The following DRC8 variants were observed in gnomAD, a reference collection of about 807,000 sequenced individuals.
The protein encoded by DRC8 is dynein regulatory complex protein 8.
At chr1:245,000,105 CA>C in the DRC8 span, among the ~76,000 whole-genome samples, 1 of 152,228 alleles carries the variant, frequency 6.6e-6, no homozygotes, top group African/African-American at 2.4e-5. Context: ...AGGCGTGAGC[CA>C]CCACACCCGG....
chr1:245,074,131 G>A, the DRC8 span, among the ~76,000 whole-genome samples: 1 of 152,180 alleles, frequency 6.6e-6, no homozygotes, highest in African/African-American at 2.4e-5. Context: ...TCCTTTAGGG[G>A]ATTTTCTTAT....
the DRC8 span, among the ~76,000 whole-genome samples, chr1:244,974,725 ACCTCTGTT>A: frequency 1.3e-5 from 2 of 151,884 alleles, no homozygotes; most frequent in East Asian, 1.9e-4. Flanking sequence ...TGGTGGTGCA[ACCTCTGTT>A]GCCTAAGCTG....
At chr1:245,009,956 G>T in the DRC8 span, among the ~76,000 whole-genome samples, 1 of 152,074 alleles carries the variant, frequency 6.6e-6, no homozygotes, top group South Asian at 2.1e-4. Flanking sequence ...TGCCTCCCAG[G>T]TTCAAGTGAT....
the DRC8 span, among the ~76,000 whole-genome samples, chr1:244,971,756 C>G: frequency 1.3e-5 from 2 of 152,054 alleles, no homozygotes; most frequent in Non-Finnish European, 2.9e-5. Flanking sequence ...CCGGTGATCA[C>G]AGAAAATCGG....
At chr1:244,970,549 A>G in the DRC8 span, 2 of 1,415,778 alleles carry the variant, frequency 1.4e-6, no homozygotes, top group African/African-American at 1.6e-5. Flanking sequence ...TGGAGTTCCC[A>G]CCCGCAGGGA....
the DRC8 span, among the ~76,000 whole-genome samples, chr1:244,992,117 A>G: frequency 2.0e-5 from 3 of 152,330 alleles, no homozygotes; most frequent in African/African-American, 7.2e-5. Context: ...TAGGCTTGAT[A>G]ATTTTTTCAA....
At chr1:245,038,134 A>G in the DRC8 span, among the ~76,000 whole-genome samples, 1 of 152,228 alleles carries the variant, frequency 6.6e-6, no homozygotes, top group Non-Finnish European at 1.5e-5. Context: ...TTTAATTTTC[A>G]TATGAGAAAT....
the DRC8 span, among the ~76,000 whole-genome samples, chr1:245,003,599 G>GT: frequency 3.3e-5 from 5 of 151,886 alleles, no homozygotes; most frequent in South Asian, 4.2e-4. Context: ...TCATTTGGAG[G>GT]TTTTTTTTGA....
chr1:245,118,492 T>C, the DRC8 span, among the ~76,000 whole-genome samples: 1 of 152,082 alleles, frequency 6.6e-6, no homozygotes, highest in Non-Finnish European at 1.5e-5. Flanking sequence ...TACTACGTGC[T>C]GTAAAACAAT....
chr1:245,104,795 T>C, the DRC8 span, among the ~76,000 whole-genome samples: 1 of 152,208 alleles, frequency 6.6e-6, no homozygotes, highest in Non-Finnish European at 1.5e-5. Context: ...AAGCTAACAA[T>C]AATTCTGTAA....
At chr1:244,970,467 CGCTGCCCTCGCCGCCCGCCGCGACCCCGG>C in the DRC8 span, 1 of 1,523,538 alleles carries the variant, frequency 6.6e-7, no homozygotes, top group Non-Finnish European at 8.8e-7. Context: ...GCCGGGGAGC[CGCTGCCCTCGCCGCCCGCCGCGACCCCGG>C]GCTGCACGGG....
the DRC8 span, among the ~76,000 whole-genome samples, chr1:245,106,153 T>A: frequency 2.0e-5 from 3 of 152,226 alleles, no homozygotes; most frequent in African/African-American, 7.2e-5. Flanking sequence ...TTATGAGACG[T>A]ATAAGCCTCC....
At chr1:245,043,153 T>G in the DRC8 span, among the ~76,000 whole-genome samples, 4 of 152,202 alleles carry the variant, frequency 2.6e-5, no homozygotes, top group Non-Finnish European at 5.9e-5. Context: ...GAATGTTGAC[T>G]GAGTGCGGTG....
the DRC8 span, chr1:245,002,026 A>G: frequency 4.9e-6 from 5 of 1,019,190 alleles, no homozygotes; most frequent in Admixed American, 2.2e-5. Flanking sequence ...TTGAAGTGAA[A>G]ATACCAGGGA....
the DRC8 span, among the ~76,000 whole-genome samples, chr1:245,070,114 TTA>T: frequency 6.6e-6 from 1 of 152,164 alleles, no homozygotes; most frequent in Non-Finnish European, 1.5e-5. Flanking sequence ...ATGTGCCATT[TTA>T]TATGAGGAAG....
the DRC8 span, among the ~76,000 whole-genome samples, chr1:245,079,999 C>T: frequency 5.9e-5 from 9 of 152,182 alleles, no homozygotes; most frequent in African/African-American, 1.9e-4. Flanking sequence ...ACACACAATT[C>T]TGTCATTGAA....
chr1:245,060,876 G>A, the DRC8 span, among the ~76,000 whole-genome samples: 2 of 152,324 alleles, frequency 1.3e-5, no homozygotes, highest in South Asian at 2.1e-4. Context: ...CCTGCCCACC[G>A]CCTGTGCATG....
At chr1:244,970,869 T>G in the DRC8 span, 1 of 227,652 alleles carries the variant, frequency 4.4e-6, no homozygotes, top group Non-Finnish European at 8.6e-6. Flanking sequence ...GGCGTCGTTG[T>G]TCACGGTCGC....
the DRC8 span, among the ~76,000 whole-genome samples, chr1:245,109,315 G>T: frequency 6.6e-6 from 1 of 152,146 alleles, no homozygotes; most frequent in Non-Finnish European, 1.5e-5. Flanking sequence ...CAATGGAAAG[G>T]CTCAAAGGGC....
Sources: gnomAD v4.1 joint callset for allele counts (sites outside exome capture counted in the v4.1 genomes callset) on GRCh38, gnomAD v4.1.1 for gene constraint, MANE v1.5 for transcripts, NCBI Gene and HGNC (gene_info 2026-07-23, HGNC 2026-07-21) for gene names.